PCDHA4: variants seen among roughly 807,000 people sequenced by gnomAD.
PCDHA4 encodes protocadherin alpha-4.
PCDHA4 carries 49 observed loss-of-function variants against 61.4 expected under a neutral mutation model. That is an observed-to-expected ratio of 0.80 (90% CI 0.63 to 1.01). PCDHA4 has a LOEUF of 1.01. PCDHA4 is among the 50% of genes least tolerant of loss of function. The pLI, the probability that PCDHA4 is intolerant of heterozygous loss-of-function variation, is 0.00. For missense variants in PCDHA4, 1,254 were observed against 1,235.8 expected (o/e 1.01, Z -0.22); for synonymous variants, 590 against 550.3 (o/e 1.07, Z -1.01).
intron 1 of PCDHA4, chr5:140,847,378 T>C (rs2150399722): frequency 6.7e-6 from 1 of 149,708 alleles, no homozygotes; most frequent in East Asian, 1.9e-4. Context: ...AAAAGATAAA[T>C]ATGCAAAAAC....
At chr5:140,822,729 T>C in intron 1 of PCDHA4, 1 of 1,613,080 alleles carries the variant, frequency 6.2e-7, no homozygotes, top group South Asian at 1.1e-5. Context: ...ATGAAATTAA[T>C]ATTGATGCCA....
In PCDHA4 at chr5:140,808,273, C is replaced by G; in HGVS notation, c.1086C>G (p.Asp362Glu). 6.2e-7 allele frequency: 1 copy of G among 1,614,232 alleles called. No homozygotes were observed. Among genetic ancestry groups the G allele is most frequent in the Non-Finnish European group, 8.5e-7 (1 of 1,180,042 alleles). ...FKSLSLPIREDAPLGTVIALI... is the reference protein window; with the variant it reads ...FKSLSLPIREEAPLGTVIALI... ...CTTTATCACTTCCAATTAGAGAGGA[C>G]GCTCCACTGGGTACAGTCATCGCCC... The change falls in exon 1 of 4, where the codon GAC becomes GAG. Residue 362 changes from aspartate to glutamate, a missense_variant. Physicochemically the swap from Asp to Glu is conservative, Grantham distance 45. Transcript: ENST00000530339.
chr5:140,835,433 G>A lies in PCDHA4; in HGVS notation c.2385+25861G>A, dbSNP rs2150235637. 11 of 1,613,904 alleles carry A rather than the reference G, an allele frequency of 6.8e-6. 1 individual carries two copies. The South Asian group carries it at 1.2e-4, about 18-fold the overall frequency. ...ATGTAAATGACAATGCTCCACAGTTGACTCTCACTTCCCTGTCTCTCCCTA... is the reference window on the plus strand; with the variant it reads ...ATGTAAATGACAATGCTCCACAGTTAACTCTCACTTCCCTGTCTCTCCCTA... On this transcript the variant is annotated intron_variant, in intron 1 of 3. Coordinates refer to ENST00000530339, the MANE Select transcript of PCDHA4 (RefSeq NM_018907.4).
At position 140,884,225 on chromosome 5, in the gene PCDHA4, G is replaced by T. The variant is rs782322312; in HGVS notation, c.2385+74653G>T. 1.6e-5 allele frequency: 26 copies of T among 1,613,448 alleles called. No homozygotes were observed. The South Asian group carries it at 2.4e-4, about 15-fold the overall frequency. ...CCACCGCCTTCTGGTGCTGGTGAAG[G>T]ACCACGGTGAGCCCGCGCTGACGGC... is the stretch of plus-strand genomic sequence containing the variant. On this transcript the variant is annotated intron_variant, in intron 1 of 3. Transcript: ENST00000530339.
intron 1 of PCDHA4, among the ~76,000 whole-genome samples, chr5:140,903,945 C>G (rs191892568): frequency 2.6e-5 from 4 of 152,162 alleles, no homozygotes; most frequent in Non-Finnish European, 5.9e-5. Context: ...CTCTTAAATA[C>G]TGGAAAATTA....
intron 1 of PCDHA4, chr5:140,875,336 G>T: frequency 7.0e-7 from 1 of 1,438,564 alleles, no homozygotes; most frequent in Non-Finnish European, 9.1e-7. Context: ...GAATAGGATC[G>T]ACTCCATAAT....
At chr5:140,913,003 T>C (rs1049022016) in intron 1 of PCDHA4, among the ~76,000 whole-genome samples, 29 of 152,204 alleles carry the variant, frequency 1.9e-4, no homozygotes, top group African/African-American at 7.0e-4. Flanking sequence ...TAGTATTTTG[T>C]TGAGGATTTT....
rs1478449575 is a variant in PCDHA4 at position 141,010,392 on chromosome 5, G to A, written c.*455G>A. The stretch of plus-strand genomic sequence containing the variant: ...GCGAGTGCCAGATATTGGCTGAGAC[G>A]AGCCAGCTTAGACTAATTGGTACAA... On this transcript the variant is annotated 3_prime_UTR_variant, in exon 4 of 4. Transcript: ENST00000530339. The A allele has an allele frequency of 8.0e-6, 11 of 1,381,722 alleles. No individual in the cohort carries two copies. The highest frequency in any genetic ancestry group is 7.3e-5 in the African/African-American group (5 of 68,772). The allele number at this position is 1,381,722 out of a possible 1,614,324, so 85.6% of individuals were successfully genotyped here. A position where few individuals can be genotyped will look rare whatever the true frequency, so the allele number is the denominator to read the frequency against.
chr5:140,821,502 A>G (rs910748629), intron 1 of PCDHA4: 2 of 346,068 alleles, frequency 5.8e-6, no homozygotes, highest in South Asian at 1.4e-4. Flanking sequence ...ATTGACGAAT[A>G]TAAGCTAAAT....
At chr5:140,864,340 A>ACAT (rs1554158797) in intron 1 of PCDHA4, 2 of 152,232 alleles carry the variant, frequency 1.3e-5, no homozygotes, top group African/African-American at 4.8e-5. Flanking sequence ...TTGAGTTTAA[A>ACAT]ACATGTTTAA....
intron 1 of PCDHA4, chr5:140,843,659 C>T (rs2150364623): frequency 2.5e-6 from 4 of 1,594,466 alleles, no homozygotes; most frequent in Admixed American, 1.7e-5. Flanking sequence ...TCCTCCTGAT[C>T]TGGGATCAGT....
At chr5:141,002,934 C>A (rs1318656602) in intron 3 of PCDHA4, among the ~76,000 whole-genome samples, 2 of 152,172 alleles carry the variant, frequency 1.3e-5, no homozygotes, top group Non-Finnish European at 2.9e-5. Flanking sequence ...CCTCCAACAC[C>A]CTCCAGCACA....
At chr5:140,878,225 A>G (rs1554170330) in intron 1 of PCDHA4, 1 of 156,262 alleles carries the variant, frequency 6.4e-6, no homozygotes, top group Non-Finnish European at 1.4e-5. Context: ...CCTAGATCCC[A>G]TTAATGGATT....
At chr5:140,881,304 C>T (rs1011967816) in intron 1 of PCDHA4, 1 of 965,928 alleles carries the variant, frequency 1.0e-6, no homozygotes, top group South Asian at 4.8e-5. Flanking sequence ...AAACTTTAAC[C>T]TCCTGGTTAA....
chr5:140,950,087 T>G (rs1433717313), intron 1 of PCDHA4, among the ~76,000 whole-genome samples: 3 of 151,938 alleles, frequency 2.0e-5, no homozygotes, highest in Admixed American at 6.6e-5. Flanking sequence ...ATGCTATAGT[T>G]TTCATTTGTA....
At chr5:140,997,792 T>C (rs1279010273) in intron 3 of PCDHA4, among the ~76,000 whole-genome samples, 1 of 152,160 alleles carries the variant, frequency 6.6e-6, no homozygotes, top group African/African-American at 2.4e-5. Context: ...TATATTATAA[T>C]TTATCCAATT....
chr5:140,836,961 G>A, intron 1 of PCDHA4: 1 of 400,098 alleles, frequency 2.5e-6, no homozygotes, highest in Non-Finnish European at 4.3e-6. Context: ...GTTTATGTTG[G>A]CTACTCTCCA....
At chr5:140,836,871 T>C in intron 1 of PCDHA4, 1 of 696,422 alleles carries the variant, frequency 1.4e-6, no homozygotes, top group South Asian at 2.4e-5. Context: ...TGTTATGCTG[T>C]ATTTGCACTA....
At position 141,010,262 on chromosome 5, in the gene PCDHA4, C is replaced by A; in HGVS notation, c.*325C>A. 4 of 1,551,728 alleles carry A rather than the reference C, an allele frequency of 2.6e-6. No homozygotes were observed. Among genetic ancestry groups the A allele is most frequent in the Non-Finnish European group, 3.5e-6 (4 of 1,146,994 alleles). On this transcript the variant is annotated 3_prime_UTR_variant, in exon 4 of 4. Transcript: ENST00000530339. ...GAGGTTGGACTCTCTGCCCTGTGCT[C>A]CGGGGATCCTGTCTTGATGACACTT...
Sources: allele counts gnomAD v4.1 joint callset (sites outside exome capture counted in the v4.1 genomes callset), GRCh38; gene constraint gnomAD v4.1.1; transcripts MANE v1.5; gene names NCBI Gene and HGNC (gene_info 2026-07-23, HGNC 2026-07-21).